ITGB1: variants seen among roughly 807,000 people sequenced by gnomAD.
ITGB1 encodes the protein integrin subunit beta 1.
In ITGB1, 24 loss-of-function variants were observed where a neutral mutation model predicts 86.5. That is an observed-to-expected ratio of 0.28 (90% CI 0.20 to 0.39). ITGB1 has a LOEUF of 0.39. Ranked by LOEUF, ITGB1 falls within the 10% of genes least tolerant of loss-of-function variation. ITGB1 has a pLI of 1.00. For missense variants in ITGB1, 556 were observed against 946.9 expected (o/e 0.59, Z 5.42); for synonymous variants, 323 against 316.8 (o/e 1.02, Z -0.21).
intron 1 of ITGB1, among the ~76,000 whole-genome samples, chr10:32,943,214 T>C (rs7086295): frequency 0.016 from 2,455 of 152,252 alleles, 68 homozygotes; most frequent in African/African-American, 0.056. Flanking sequence ...TATAGATAGA[T>C]ATAAAATGTC....
At chr10:32,911,719 A>G (rs1246777609) in intron 12 of ITGB1, 49 bp from the exon 13 acceptor site, 4 of 1,582,860 alleles carry the variant, frequency 2.5e-6, no homozygotes, top group Non-Finnish European at 3.5e-6. Flanking sequence ...ATACAATCAC[A>G]GTATTGACTG....
At chr10:32,922,368 C>T (rs200521056) in intron 8 of ITGB1, 22 bp from the exon 9 acceptor site, 29 of 1,497,022 alleles carry the variant, frequency 1.9e-5, no homozygotes, top group African/African-American at 1.2e-4. Flanking sequence ...AGATAAAACA[C>T]GTAAAATACA....
chr10:32,902,879 G>T (rs974696668), intron 15 of ITGB1, among the ~76,000 whole-genome samples: 2 of 152,118 alleles, frequency 1.3e-5, no homozygotes, highest in African/African-American at 4.8e-5. Flanking sequence ...ATAGAGTTAT[G>T]AACATAATCT....
At chr10:32,930,110 T>C (rs2094978593) in intron 3 of ITGB1, 66 bp from the exon 4 acceptor site, 2 of 761,070 alleles carry the variant, frequency 2.6e-6, no homozygotes, top group East Asian at 2.5e-5. Context: ...TACATAATAA[T>C]TGCAAATAAG....
At chr10:32,918,654 T>C (rs1386729182) in intron 11 of ITGB1, among the ~76,000 whole-genome samples, 2 of 152,172 alleles carry the variant, frequency 1.3e-5, no homozygotes, top group Non-Finnish European at 2.9e-5. Context: ...TAGCAATGAA[T>C]AGTGAATGAC....
At chr10:32,936,487 C>CA (rs1380069145) in intron 1 of ITGB1, among the ~76,000 whole-genome samples, 1 of 151,918 alleles carries the variant, frequency 6.6e-6, no homozygotes, top group Non-Finnish European at 1.5e-5. Flanking sequence ...GTAAAATACT[C>CA]AGTTTTAATT....
At chr10:32,951,048 G>A (rs774597733) in intron 1 of ITGB1, among the ~76,000 whole-genome samples, 1 of 152,120 alleles carries the variant, frequency 6.6e-6, no homozygotes, top group African/African-American at 2.4e-5. Flanking sequence ...GTTGGGGGTA[G>A]GGGGAGGTAA....
chr10:32,950,768 T>TAAG (rs557736169), intron 1 of ITGB1, among the ~76,000 whole-genome samples: 5 of 152,206 alleles, frequency 3.3e-5, no homozygotes, highest in African/African-American at 1.2e-4. Context: ...TAGCCTGGGC[T>TAAG]AAGAAGCTCT....
At chr10:32,913,672 G>A (rs1205714736) in intron 11 of ITGB1, among the ~76,000 whole-genome samples, 1 of 152,222 alleles carries the variant, frequency 6.6e-6, no homozygotes, top group African/African-American at 2.4e-5. Flanking sequence ...TATGTGAAAA[G>A]ACCAAATCGA....
At chr10:32,943,346 A>G (rs2095023465) in intron 1 of ITGB1, among the ~76,000 whole-genome samples, 1 of 152,214 alleles carries the variant, frequency 6.6e-6, no homozygotes, top group African/African-American at 2.4e-5. Flanking sequence ...GTTTATTATT[A>G]ACATGAAAGC....
In ITGB1 at chr10:32,935,480, T is replaced by C. The variant is rs2137239840; in HGVS notation, c.67+12A>G. The C allele has an allele frequency of 6.3e-7, 1 of 1,596,050 alleles. No individual in the cohort carries two copies. Among genetic ancestry groups the C allele is most frequent in the South Asian group, 1.1e-5 (1 of 90,606 alleles). ...AAATGAAAAGACAACTAAGAAAATT[T>C]TTTGTTTTTACCTGTTTGAGCAAAC... On this transcript the variant is annotated intron_variant, in intron 2 of 15. Coordinates refer to ENST00000302278, the MANE Select transcript of ITGB1 (RefSeq NM_002211.4).
intron 15 of ITGB1, among the ~76,000 whole-genome samples, chr10:32,903,597 T>C (rs1398356568): frequency 6.6e-6 from 1 of 152,018 alleles, no homozygotes; most frequent in Non-Finnish European, 1.5e-5. Flanking sequence ...CCAGACAACA[T>C]ACCTCAGCCC....
chr10:32,938,413 G>C (rs779511127), intron 1 of ITGB1, among the ~76,000 whole-genome samples: 1 of 152,140 alleles, frequency 6.6e-6, no homozygotes, highest in Non-Finnish European at 1.5e-5. Flanking sequence ...ATGATCACTA[G>C]AGACTGCTTT....
intron 2 of ITGB1, among the ~76,000 whole-genome samples, chr10:32,934,243 GAA>G (rs923979282): frequency 6.6e-6 from 1 of 151,944 alleles, no homozygotes; most frequent in African/African-American, 2.4e-5. Context: ...AAAAATGGGG[GAA>G]AAAAGTGTCT....
At chr10:32,937,598 G>GTACAAA (rs1483617937) in intron 1 of ITGB1, among the ~76,000 whole-genome samples, 1 of 148,438 alleles carries the variant, frequency 6.7e-6, no homozygotes, top group African/African-American at 2.5e-5. Flanking sequence ...AATAATTTTG[G>GTACAAA]ATGTAAAGTA....
chr10:32,915,423 A>T (rs2094928401), intron 11 of ITGB1, among the ~76,000 whole-genome samples: 2 of 152,314 alleles, frequency 1.3e-5, no homozygotes, highest in South Asian at 4.1e-4. Flanking sequence ...CGCTAGCAAG[A>T]CTAATAAAGA....
intron 9 of ITGB1, among the ~76,000 whole-genome samples, chr10:32,920,880 G>C (rs111368603): frequency 1.3e-5 from 2 of 151,930 alleles, no homozygotes; most frequent in African/African-American, 4.8e-5. Flanking sequence ...CTACTCGGGA[G>C]GCTGAGACAG....
intron 7 of ITGB1, among the ~76,000 whole-genome samples, chr10:32,923,189 G>A (rs2094955165): frequency 6.6e-6 from 1 of 152,098 alleles, no homozygotes; most frequent in African/African-American, 2.4e-5. Flanking sequence ...TGAATGCTTT[G>A]CCAATATTTA....
intron 1 of ITGB1, among the ~76,000 whole-genome samples, chr10:32,940,769 T>C (rs1385277995): frequency 6.6e-6 from 1 of 152,250 alleles, no homozygotes; most frequent in East Asian, 1.9e-4. Flanking sequence ...CACTACAATA[T>C]GCACTTGAAG....
Sources: gnomAD v4.1 joint callset for allele counts (sites outside exome capture counted in the v4.1 genomes callset) on GRCh38, gnomAD v4.1.1 for gene constraint, MANE v1.5 for transcripts, NCBI Gene and HGNC (gene_info 2026-07-23, HGNC 2026-07-21) for gene names.